GLT1D1: variants seen among roughly 807,000 people sequenced by gnomAD.
GLT1D1 encodes the protein glycosyltransferase 1 domain containing 1, also known as glycosyltransferase 1 domain-containing protein 1.
A neutral mutation model predicts 28.7 loss-of-function variants in GLT1D1; 21 were observed. That is an observed-to-expected ratio of 0.73 (90% CI 0.52 to 1.05). GLT1D1 has a LOEUF of 1.05. Ranked by LOEUF, GLT1D1 falls within the 50% of genes least tolerant of loss-of-function variation. The pLI is 0.00. For missense variants in GLT1D1, 343 were observed against 330.6 expected (o/e 1.04, Z -0.29); for synonymous variants, 147 against 124.8 (o/e 1.18, Z -1.19).
rs145466703 is a variant in GLT1D1 at position 128,919,574 on chromosome 12, C to T, written c.375+20287C>T. On this transcript the variant is annotated intron_variant, in intron 4 of 7. Transcript: ENST00000281703. ...AACATCAAACCCCTCTTATGCTTACCATTATCTCACATACAAACAGGTCAA... is the reference window on the plus strand; with the variant it reads ...AACATCAAACCCCTCTTATGCTTACTATTATCTCACATACAAACAGGTCAA... Among the ~76,000 whole-genome samples the T allele has an allele frequency of 5.0e-3, 761 of 152,290 alleles. 6 individuals carry two copies. Among genetic ancestry groups the T allele is most frequent in the African/African-American group, 0.017 (724 of 41,552 alleles).
At chr12:128,859,073 C>T (rs946303056) in intron 1 of GLT1D1, among the ~76,000 whole-genome samples, 4 of 152,122 alleles carry the variant, frequency 2.6e-5, no homozygotes, top group African/African-American at 9.7e-5. Context: ...TGTGTAAAAC[C>T]AAGCTGTACC....
At chr12:128,955,516 GTA>G (rs1185153789) in intron 6 of GLT1D1, among the ~76,000 whole-genome samples, 1 of 28,722 alleles carries the variant, frequency 3.5e-5, no homozygotes, top group African/African-American at 1.1e-4. Context: ...CCTCGGTGTT[GTA>G]TTTTTTTTTT....
rs1330235611 is a variant in GLT1D1 at position 128,983,825 on chromosome 12, G to A, written c.*735G>A. 1 of 152,230 alleles carries A rather than the reference G, an allele frequency of 6.6e-6. No homozygotes were observed. Among genetic ancestry groups the A allele is most frequent in the Non-Finnish European group, 1.5e-5 (1 of 68,060 alleles). The allele number at this position is 152,230 out of a possible 1,614,324, so 9.4% of individuals were successfully genotyped here. A position where few individuals can be genotyped will look rare whatever the true frequency, so the allele number is the denominator to read the frequency against. ...CTGAGATGGAGGCCTGAGGCTTTGG[G>A]TCCAGGGTGGGCTCTTCCCCTTCCC... On this transcript the variant is annotated 3_prime_UTR_variant, in exon 8 of 8. Coordinates refer to ENST00000281703, the MANE Select transcript of GLT1D1 (RefSeq NM_144669.3). The surrounding 1 kb of genome is among the most constrained non-coding windows in gnomAD (Gnocchi z 4.7).
chr12:128,936,156 CTT>C (rs34046835), intron 4 of GLT1D1, among the ~76,000 whole-genome samples: 9 of 138,730 alleles, frequency 6.5e-5, no homozygotes, highest in Admixed American at 7.3e-5. Context: ...AATAAAATAT[CTT>C]TTTTTTTTTT....
rs1880507448 is a variant in GLT1D1 at position 128,983,244 on chromosome 12, T to A, written c.*154T>A. ...GTTAGTCGTGAGTCCCCAGAGCCAC[T>A]GCATTCATCCCATATCCTTCTGTGC... is the stretch of plus-strand genomic sequence containing the variant. On this transcript the variant is annotated 3_prime_UTR_variant, in exon 8 of 8. Coordinates refer to ENST00000281703, the MANE Select transcript of GLT1D1 (RefSeq NM_144669.3). This position sits in a 1 kb window ranked among gnomAD's most constrained non-coding sequence, Gnocchi z 4.7. The A allele has an allele frequency of 1.5e-6, 1 of 651,494 alleles. No homozygotes were observed. The allele number at this position is 651,494 out of a possible 1,614,324, so 40.4% of individuals were successfully genotyped here. A position where few individuals can be genotyped will look rare whatever the true frequency, so the allele number is the denominator to read the frequency against.
At chr12:128,940,446 G>T (rs1041635631) in intron 4 of GLT1D1, among the ~76,000 whole-genome samples, 22 of 152,168 alleles carry the variant, frequency 1.4e-4, no homozygotes, top group African/African-American at 3.9e-4. Flanking sequence ...ACGCAGAGAG[G>T]TCCGTTAATG....
At chr12:128,894,799 G>A (rs576753556) in intron 3 of GLT1D1, among the ~76,000 whole-genome samples, 1 of 152,056 alleles carries the variant, frequency 6.6e-6, no homozygotes, top group South Asian at 2.1e-4. Context: ...ACAGTGAGCT[G>A]AGACTGTGCC....
chr12:128,937,374 A>G (rs1457530925), intron 4 of GLT1D1, among the ~76,000 whole-genome samples: 1 of 152,192 alleles, frequency 6.6e-6, no homozygotes, highest in Admixed American at 6.5e-5. Context: ...GGCCCTGTGC[A>G]TGGCCTTGGG....
At chr12:128,892,588 T>C (rs1869184013) in intron 3 of GLT1D1, among the ~76,000 whole-genome samples, 1 of 152,322 alleles carries the variant, frequency 6.6e-6, no homozygotes, top group African/African-American at 2.4e-5. Context: ...GGGTTATTGA[T>C]CGAGGTTAGT....
At chr12:128,957,667 A>G in intron 7 of GLT1D1, 24 bp downstream of exon 11, 1 of 1,374,482 alleles carries the variant, frequency 7.3e-7, no homozygotes, top group South Asian at 1.2e-5. Context: ...CTTTCCCTCC[A>G]TTCACTCACC....
intron 7 of GLT1D1, among the ~76,000 whole-genome samples, chr12:128,958,830 CTTTTTT>C (rs71072432): frequency 6.0e-5 from 5 of 83,842 alleles, no homozygotes; most frequent in South Asian, 4.9e-4. Context: ...AAATAAAAAT[CTTTTTT>C]TTTTTTTTTT....
At chr12:128,948,036 G>T (rs1385932079) in intron 6 of GLT1D1, among the ~76,000 whole-genome samples, 2 of 152,084 alleles carry the variant, frequency 1.3e-5, no homozygotes, top group African/African-American at 4.8e-5. Context: ...GCACCACTCT[G>T]CAATTCCCCA....
chr12:128,886,190 C>T (rs1176113802), intron 2 of GLT1D1, among the ~76,000 whole-genome samples: 13 of 152,214 alleles, frequency 8.5e-5, no homozygotes, highest in African/African-American at 3.1e-4. Flanking sequence ...CATTAAACCT[C>T]TTTCTTTTGT....
chr12:128,874,112 CTCTCTCTCTCTCTCTTTCTTTCTTTCTT>C (rs1436337318), intron 1 of GLT1D1, among the ~76,000 whole-genome samples: 8 of 57,808 alleles, frequency 1.4e-4, no homozygotes, highest in East Asian at 5.2e-4. Flanking sequence ...CTCTCTCTCT[CTCTCTCTCTCTCTCTTTCTTTCTTTCTT>C]TCTTTCTTTC....
At chr12:128,879,376 CTTTTTCTTTCTTTCTTTCTT>C (rs1956952774) in intron 2 of GLT1D1, among the ~76,000 whole-genome samples, 3 of 83,878 alleles carry the variant, frequency 3.6e-5, no homozygotes, top group South Asian at 1.0e-3. Context: ...TTATTTTTTT[CTTTTTCTTTCTTTCTTTCTT>C]TCTTTCTTTC....
intron 4 of GLT1D1, among the ~76,000 whole-genome samples, chr12:128,937,405 A>T (rs964617755): frequency 6.6e-6 from 1 of 152,096 alleles, no homozygotes; most frequent in Non-Finnish European, 1.5e-5. Context: ...AGATAGGAGG[A>T]GAAGGTGGGC....
chr12:128,924,527 G>A (rs1872989407), intron 4 of GLT1D1, among the ~76,000 whole-genome samples: 1 of 151,792 alleles, frequency 6.6e-6, no homozygotes, highest in South Asian at 2.1e-4. Flanking sequence ...AGTGACCTTG[G>A]CTCACTGCAA....
At chr12:128,924,849 A>G (rs56239655) in intron 4 of GLT1D1, among the ~76,000 whole-genome samples, 11,225 of 152,152 alleles carry the variant, frequency 0.074, 497 homozygotes, top group East Asian at 0.17. Context: ...GAAATCACAT[A>G]TGGCCACTGC....
At chr12:128,924,757 G>A (rs183932001) in intron 4 of GLT1D1, among the ~76,000 whole-genome samples, 153 of 152,280 alleles carry the variant, frequency 1.0e-3, no homozygotes, top group African/African-American at 3.6e-3. Flanking sequence ...AACAGAGATC[G>A]CGGGGCCAGA....
Sources: gnomAD v4.1 joint callset for allele counts (sites outside exome capture counted in the v4.1 genomes callset) on GRCh38, gnomAD v4.1.1 for gene constraint, Gnocchi (gnomAD v3.1) non-coding constraint, MANE v1.5 for transcripts, NCBI Gene and HGNC (gene_info 2026-07-23, HGNC 2026-07-21) for gene names.